The following RMND5B variants were observed in gnomAD, a reference collection of about 807,000 sequenced individuals.
RMND5B encodes the protein required for meiotic nuclear division 5 homolog B, also known as E3 ubiquitin-protein transferase RMND5B.
In RMND5B, 42 loss-of-function variants were observed where a neutral mutation model predicts 50.4. The ratio of observed to expected loss-of-function variants is 0.83; its 90% CI spans 0.65 to 1.08. The LOEUF (loss-of-function observed/expected upper bound fraction) is 1.08. Ranked by LOEUF, RMND5B falls within the 50% of genes least tolerant of loss-of-function variation. The pLI is 0.00. For missense variants in RMND5B, 463 were observed against 508.5 expected, an observed-to-expected ratio of 0.91 and a Z score of 0.86; for synonymous variants, 220 against 210.0, an observed-to-expected ratio of 1.05 and a Z score of -0.41.
chr5:178,141,687 A>T (rs929970927), intron 3 of RMND5B: 1 of 152,180 alleles, frequency 6.6e-6, no homozygotes, highest in African/African-American at 2.4e-5. Context: ...TCGGTCTCAA[A>T]ATAAATAAAT....
chr5:178,144,215 AC>A, intron 7 of RMND5B, 107 bp downstream of exon 7: 1 of 1,240,726 alleles, frequency 8.1e-7, no homozygotes, highest in Non-Finnish European at 1.1e-6. Flanking sequence ...GCTGTCTGTT[AC>A]ACAGATGCCT....
At position 178,142,491 on chromosome 5, in the gene RMND5B, C is replaced by T. The variant is rs193179263; in HGVS notation, c.140-92C>T. On this transcript the variant is annotated intron_variant, in intron 3 of 10. Transcript: ENST00000313386. ...GCATTCAGGGCTGCCTCCTGGGCTA[C>T]GGGGCTGGCATTTAGAATAGAGCTA... is the stretch of plus-strand genomic sequence containing the variant. 215 of 1,430,614 alleles carry T rather than the reference C, an allele frequency of 1.5e-4. No individual in the cohort carries two copies. The East Asian group carries it at 3.1e-3, about 21-fold the overall frequency. The allele number at this position is 1,430,614 out of a possible 1,614,324, so 88.6% of individuals were successfully genotyped here.
rs1561641454 is a variant in RMND5B at position 178,147,761 on chromosome 5, C to T, written c.996C>T (p.Tyr332=). Residue 332 remains tyrosine (Y), a synonymous_variant, in exon 10 of 11, where the codon TAC becomes TAT. Transcript: ENST00000313386. ...IEIELGMKCW[Y]HSVFACPILR... ...TTGAACTAGGCATGAAGTGCTGGTA[C>T]CACTCCGTGTTCGCTTGCCCCATCC... 3 of 1,614,062 alleles carry T rather than the reference C, an allele frequency of 1.9e-6. No individual in the cohort carries two copies. Among genetic ancestry groups the T allele is most frequent in the African/African-American group, 1.3e-5 (1 of 74,924 alleles).
At chr5:178,146,745 C>A in intron 8 of RMND5B, 1 of 158,736 alleles carries the variant, frequency 6.3e-6, no homozygotes, top group Non-Finnish European at 1.4e-5. Flanking sequence ...CCACGTTATC[C>A]TCCTTCTACA....
At chr5:178,147,343 C>T (rs1756066689) in intron 8 of RMND5B, 190 bp from the exon 9 acceptor site, 1 of 596,752 alleles carries the variant, frequency 1.7e-6, no homozygotes, top group Non-Finnish European at 3.0e-6. Flanking sequence ...TAGAATGAGT[C>T]TGTAGAGTCA....
chr5:178,146,215 G>A lies in RMND5B; in HGVS notation c.796G>A (p.Glu266Lys), dbSNP rs1321387365. 8 of 1,614,078 alleles carry A rather than the reference G, an allele frequency of 5.0e-6. No homozygotes were observed. Among genetic ancestry groups the A allele is most frequent in the Non-Finnish European group, 6.8e-6 (8 of 1,180,022 alleles). ...LDSSHWAEIC[E>K]TFTRDACSLL... ...CAGCAGCCACTGGGCAGAGATCTGT[G>A]AGACCTTTACCCGGGACGCCTGTTC... The change falls in exon 8 of 11, where the codon GAG (glutamate) becomes AAG (lysine). Residue 266 changes from glutamate to lysine, a missense_variant. Coordinates refer to ENST00000313386, the MANE Select transcript of RMND5B (RefSeq NM_022762.5).
chr5:178,148,856 C>T lies in RMND5B; in HGVS notation c.*824C>T, dbSNP rs1056492322. ...GTAACTTGCACAACAGGGCTCACAG[C>T]TTAGAAAGGAGAGAGCTTGGAGTTT... On this transcript the variant is annotated 3_prime_UTR_variant, in exon 11 of 11. Transcript: ENST00000313386. 4.6e-5 allele frequency: 7 copies of T among 152,300 alleles called. No individual in the cohort carries two copies. Among genetic ancestry groups the T allele is most frequent in the Non-Finnish European group, 1.0e-4 (7 of 68,122 alleles). 9.4% of individuals were successfully genotyped at this position (152,300 alleles called of 1,614,324 possible).
intron 2 of RMND5B, among the ~76,000 whole-genome samples, chr5:178,132,773 A>C (rs1402761045): frequency 8.3e-6 from 1 of 121,168 alleles, no homozygotes; most frequent in Non-Finnish European, 1.7e-5. Flanking sequence ...CTATTAACTG[A>C]AGAGACCCTG....
intron 5 of RMND5B, among the ~76,000 whole-genome samples, chr5:178,143,315 T>C (rs1215674623): frequency 6.6e-6 from 1 of 152,182 alleles, no homozygotes. Flanking sequence ...TTTTCCCTAC[T>C]GTACTAGGAG....
At chr5:178,139,503 A>T (rs1581117929) in intron 3 of RMND5B, among the ~76,000 whole-genome samples, 1 of 146,872 alleles carries the variant, frequency 6.8e-6, no homozygotes, top group Non-Finnish European at 1.5e-5. Context: ...CACCATACCC[A>T]GCCAGTGTAG....
At chr5:178,132,739 T>C (rs1179655933) in intron 2 of RMND5B, among the ~76,000 whole-genome samples, 13 of 99,820 alleles carry the variant, frequency 1.3e-4, no homozygotes, top group African/African-American at 3.0e-4. Context: ...GTCTCTCTCT[T>C]TTTTTTTTTT....
rs1168660660 is a variant in RMND5B, at chr5:178,147,999, G to A, written c.1149G>A (p.Gln383=). Residue 383 remains glutamine (Q), a synonymous_variant, in exon 11 of 11, where the codon CAG becomes CAA. Transcript: ENST00000313386. ...AGTGTCCCTACTGTCCCATGGAGCA[G>A]AACCCGGCAGATGGGAAACGCATCA... ...KLKCPYCPME[Q]NPADGKRIIF 1.9e-6 allele frequency: 3 copies of A among 1,614,010 alleles called. No individual in the cohort carries two copies. The East Asian group carries it at 6.7e-5, about 36-fold the overall frequency.
intron 2 of RMND5B, among the ~76,000 whole-genome samples, chr5:178,132,667 G>A (rs559482923): frequency 3.3e-5 from 5 of 151,790 alleles, no homozygotes; most frequent in Non-Finnish European, 5.9e-5. Flanking sequence ...CCAGGAGGTC[G>A]AGGCTGCAGT....
At chr5:178,142,496 C>T in intron 3 of RMND5B, 87 bp from the exon 4 acceptor site, 1 of 1,456,012 alleles carries the variant, frequency 6.9e-7, no homozygotes, top group South Asian at 1.3e-5. Context: ...GGCTACGGGG[C>T]TGGCATTTAG....
intron 2 of RMND5B, among the ~76,000 whole-genome samples, chr5:178,132,270 G>A (rs567362343): frequency 2.0e-5 from 3 of 151,920 alleles, no homozygotes; most frequent in Admixed American, 6.6e-5. Context: ...GTGAAACCCC[G>A]TCTCTACTAA....
intron 2 of RMND5B, chr5:178,135,310 C>T (rs922484445): frequency 4.9e-6 from 1 of 206,006 alleles, no homozygotes; most frequent in African/African-American, 2.3e-5. Flanking sequence ...CCACCATGCC[C>T]AGGTAAATTT....
chr5:178,132,733 CT>C (rs1389807077), intron 2 of RMND5B, among the ~76,000 whole-genome samples: 1 of 19,662 alleles, frequency 5.1e-5, no homozygotes, highest in African/African-American at 2.0e-4. Flanking sequence ...GACCCTGTCT[CT>C]CTCTTTTTTT....
chr5:178,141,330 C>G (rs1758929963), intron 3 of RMND5B: 1 of 151,766 alleles, frequency 6.6e-6, no homozygotes, highest in Non-Finnish European at 1.5e-5. Flanking sequence ...ATGGTGAAAC[C>G]CTGTCTGTAC....
chr5:178,144,107 G>T lies in RMND5B; in HGVS notation c.693G>T (p.Arg231=), dbSNP rs1431087903. 6.2e-7 allele frequency: 1 copy of T among 1,612,566 alleles called. No homozygotes were observed. The highest frequency in any genetic ancestry group is 8.5e-7 in the Non-Finnish European group (1 of 1,179,100). Residue 231 remains arginine, a splice_region_variant and synonymous_variant, in exon 7 of 11, where the codon CGG becomes CGT. Coordinates refer to ENST00000313386, the MANE Select transcript of RMND5B (RefSeq NM_022762.5). The part of the protein sequence containing the change: ...HFQPFARLHQ[R]EIQVMMGSLV... ...AGCCCTTTGCTCGGCTGCACCAGCG[G>T]GGTGAGTGCCCAGGCAGCTGGGGTT...
Sources: gnomAD v4.1 joint callset for allele counts (sites outside exome capture counted in the v4.1 genomes callset) on GRCh38, gnomAD v4.1.1 for gene constraint, MANE v1.5 for transcripts, NCBI Gene and HGNC (gene_info 2026-07-23, HGNC 2026-07-21) for gene names.